The following SND1 variants were observed in gnomAD, a reference collection of about 807,000 sequenced individuals.
SND1 encodes the protein staphylococcal nuclease domain-containing protein 1.
In SND1, 38 loss-of-function variants were observed where a neutral mutation model predicts 121.7. The observed-to-expected ratio is 0.31, with a 90% CI of 0.24 to 0.41. The LOEUF (loss-of-function observed/expected upper bound fraction) is 0.41. Among genes scored for constraint, SND1 ranks in the 10% least tolerant of loss-of-function variants. The pLI is 1.00. For synonymous variants in SND1, 401 were observed against 447.4 expected (o/e 0.90, Z 1.31); for missense variants, 868 against 1,184.6 (o/e 0.73, Z 3.92).
At chr7:128,084,189 A>G (rs1014964498) in intron 18 of SND1, among the ~76,000 whole-genome samples, 3 of 152,182 alleles carry the variant, frequency 2.0e-5, no homozygotes, top group Non-Finnish European at 2.9e-5. Context: ...CATGGCTTCA[A>G]TTCTGGGGCC....
chr7:127,871,797 A>C (rs1799593343), intron 12 of SND1, among the ~76,000 whole-genome samples: 1 of 152,186 alleles, frequency 6.6e-6, no homozygotes. Flanking sequence ...TACATTGAAC[A>C]TGCACTACGT....
chr7:127,702,061 T>G (rs909134839), intron 5 of SND1, among the ~76,000 whole-genome samples: 1 of 152,246 alleles, frequency 6.6e-6, no homozygotes, highest in Admixed American at 6.5e-5. Flanking sequence ...GGCCCGGTTT[T>G]GAGACCTTGC....
At position 127,737,400 on chromosome 7, in the gene SND1, C is replaced by T. The variant is rs376702315; in HGVS notation, c.1152+16000C>T. ...GACCAGCCTGGCCAACATGGCGAAA[C>T]GCCATCTCTACTGAAAATACGAAAA... On this transcript the variant is annotated intron_variant, in intron 10 of 23. Coordinates refer to ENST00000354725, the MANE Select transcript of SND1 (RefSeq NM_014390.4). 5.3e-5 allele frequency among the ~76,000 whole-genome samples: 8 copies of T among 152,230 alleles called. No individual in the cohort carries two copies. In the East Asian group the frequency reaches 5.8e-4, roughly 11 times the overall value.
chr7:127,738,769 G>A (rs1469141030), intron 10 of SND1, among the ~76,000 whole-genome samples: 2 of 152,146 alleles, frequency 1.3e-5, no homozygotes, highest in East Asian at 1.9e-4. Flanking sequence ...GACCAGGGGA[G>A]GATGGGGGAG....
intron 14 of SND1, among the ~76,000 whole-genome samples, chr7:127,910,148 G>A (rs1203875094): frequency 6.6e-6 from 1 of 152,140 alleles, no homozygotes; most frequent in Non-Finnish European, 1.5e-5. Context: ...GCTAAAGAGA[G>A]TTTTAAAAAG....
intron 9 of SND1, among the ~76,000 whole-genome samples, chr7:127,717,189 G>T (rs1030460186): frequency 2.0e-5 from 3 of 152,044 alleles, no homozygotes; most frequent in South Asian, 4.1e-4. Flanking sequence ...CGGGAGTATT[G>T]TATTTTTGTT....
At chr7:127,877,386 T>C (rs571644451) in intron 12 of SND1, among the ~76,000 whole-genome samples, 1 of 152,284 alleles carries the variant, frequency 6.6e-6, no homozygotes, top group Non-Finnish European at 1.5e-5. Context: ...ACTGCTTCCA[T>C]GTATATTTCT....
intron 16 of SND1, among the ~76,000 whole-genome samples, chr7:128,019,919 C>T (rs1803308357): frequency 6.6e-6 from 1 of 152,158 alleles, no homozygotes; most frequent in South Asian, 2.1e-4. Flanking sequence ...GCTTACACAA[C>T]ACTAGGAAGG....
At chr7:127,725,381 CAAGCAG>C (rs1796565022) in intron 10 of SND1, among the ~76,000 whole-genome samples, 1 of 152,146 alleles carries the variant, frequency 6.6e-6, no homozygotes, top group African/African-American at 2.4e-5. Context: ...CATGGCTTGG[CAAGCAG>C]AATGGAAGCT....
chr7:128,000,726 G>A (rs979841743), intron 16 of SND1, among the ~76,000 whole-genome samples: 12 of 152,108 alleles, frequency 7.9e-5, no homozygotes, highest in African/African-American at 2.4e-4. Flanking sequence ...TCCCTGTTCC[G>A]TTTGTCCTAA....
At chr7:127,839,110 C>G (rs374213071) in intron 11 of SND1, among the ~76,000 whole-genome samples, 22 of 152,290 alleles carry the variant, frequency 1.4e-4, no homozygotes, top group African/African-American at 4.6e-4. Flanking sequence ...GTGTTCTTAT[C>G]GAGCCTATGT....
At chr7:128,046,186 T>G (rs569369860) in intron 16 of SND1, among the ~76,000 whole-genome samples, 2 of 152,170 alleles carry the variant, frequency 1.3e-5, no homozygotes, top group East Asian at 3.9e-4. Context: ...AGCCTCAAAC[T>G]CCTGAGCTAA....
chr7:127,913,498 C>T (rs1171342978), intron 14 of SND1, among the ~76,000 whole-genome samples: 1 of 152,200 alleles, frequency 6.6e-6, no homozygotes, highest in South Asian at 2.1e-4. Flanking sequence ...GAGAGTTCCT[C>T]TGGCCATAGA....
At chr7:127,734,199 A>G (rs1796732448) in intron 10 of SND1, among the ~76,000 whole-genome samples, 1 of 152,180 alleles carries the variant, frequency 6.6e-6, no homozygotes, top group Non-Finnish European at 1.5e-5. Flanking sequence ...TCAGAGCCAG[A>G]TGCTAAGCAG....
chr7:127,860,174 T>A (rs556604613), intron 12 of SND1, among the ~76,000 whole-genome samples: 4 of 152,286 alleles, frequency 2.6e-5, no homozygotes, highest in African/African-American at 9.6e-5. Flanking sequence ...CTGTCAACAT[T>A]ATGCTTCCTT....
At chr7:127,710,907 T>C (rs995032887) in intron 9 of SND1, among the ~76,000 whole-genome samples, 2 of 152,222 alleles carry the variant, frequency 1.3e-5, no homozygotes, top group Non-Finnish European at 2.9e-5. Flanking sequence ...TAAGTGATAA[T>C]CACCACAGTG....
chr7:128,042,129 G>A (rs1314110206), intron 16 of SND1, among the ~76,000 whole-genome samples: 1 of 152,076 alleles, frequency 6.6e-6, no homozygotes, highest in Non-Finnish European at 1.5e-5. Flanking sequence ...GCCCAGTGAG[G>A]CTACTCGATT....
At chr7:127,778,239 G>C (rs978122527) in intron 10 of SND1, among the ~76,000 whole-genome samples, 2 of 149,762 alleles carry the variant, frequency 1.3e-5, no homozygotes, top group African/African-American at 5.0e-5. Context: ...TCTGTCGCCA[G>C]GCTGGAGTGC....
chr7:127,806,181 T>C (rs1798234784), intron 10 of SND1, among the ~76,000 whole-genome samples: 1 of 152,196 alleles, frequency 6.6e-6, no homozygotes, highest in African/African-American at 2.4e-5. Flanking sequence ...TTATTTCTTA[T>C]ACAAAGACAA....
Sources: allele counts gnomAD v4.1 joint callset (sites outside exome capture counted in the v4.1 genomes callset), GRCh38; gene constraint gnomAD v4.1.1; transcripts MANE v1.5; gene names NCBI Gene and HGNC (gene_info 2026-07-23, HGNC 2026-07-21).